The following ZNF420 variants were observed in gnomAD, a reference collection of about 807,000 sequenced individuals.
ZNF420 encodes the protein ATM and p53-associated KZNF protein.
A neutral mutation model predicts 44.7 loss-of-function variants in ZNF420; 31 were observed. That is an observed-to-expected ratio of 0.69 (90% CI 0.52 to 0.94). The LOEUF (loss-of-function observed/expected upper bound fraction) is 0.94. ZNF420 is among the 40% of genes least tolerant of loss of function. The pLI is 0.00. For synonymous variants in ZNF420, 245 were observed against 267.4 expected (o/e 0.92, Z 0.82); for missense variants, 681 against 827.9 (o/e 0.82, Z 2.18).
chr19:37,023,750 G>A lies in ZNF420; in HGVS notation c.-125+15668G>A, dbSNP rs562867025. Reference sequence around the variant, plus strand: ...ACATTTGGGTTCAGAGCTAAAAAATGACACATTACTGACATTTTGAAAAGT... The same window carrying A: ...ACATTTGGGTTCAGAGCTAAAAAATAACACATTACTGACATTTTGAAAAGT... On this transcript the variant is annotated intron_variant, in intron 1 of 4. Transcript: ENST00000587029. Among the ~76,000 whole-genome samples the A allele has an allele frequency of 2.0e-5, 3 of 152,242 alleles. No individual in the cohort carries two copies. The East Asian group carries it at 5.8e-4, about 29-fold the overall frequency.
chr19:37,065,976 C>G (rs1180841053), intron 1 of ZNF420, among the ~76,000 whole-genome samples: 1 of 152,116 alleles, frequency 6.6e-6, no homozygotes, highest in African/African-American at 2.4e-5. Flanking sequence ...ATATAAAAAG[C>G]TACAACTCTA....
intron 1 of ZNF420, among the ~76,000 whole-genome samples, chr19:37,044,785 C>T (rs1967515301): frequency 6.6e-6 from 1 of 152,084 alleles, no homozygotes; most frequent in Non-Finnish European, 1.5e-5. Flanking sequence ...GCCGAGATCG[C>T]ACCATTGCAC....
intron 1 of ZNF420, among the ~76,000 whole-genome samples, chr19:37,055,648 A>T (rs1967731671): frequency 6.6e-6 from 1 of 152,222 alleles, no homozygotes; most frequent in South Asian, 2.1e-4. Flanking sequence ...CTCCTGTCAC[A>T]GTGACCCCAA....
intron 4 of ZNF420, among the ~76,000 whole-genome samples, chr19:37,119,801 A>C (rs913081893): frequency 6.6e-6 from 1 of 152,190 alleles, no homozygotes; most frequent in Non-Finnish European, 1.5e-5. Context: ...TATCACCACC[A>C]ATCCCACAGA....
In ZNF420 at chr19:37,127,855, T is replaced by C. The variant is rs372802921; in HGVS notation, c.864T>C (p.Phe288=). The C allele has an allele frequency of 6.8e-6, 11 of 1,613,894 alleles. No homozygotes were observed. The highest frequency in any genetic ancestry group is 5.1e-6 in the Non-Finnish European group (6 of 1,179,962). ...LYECKECRKV[F]TQLSQLILHK... is the part of the protein sequence containing the mutation. ...AATGTAAAGAATGTAGGAAGGTCTT[T>C]ACTCAGCTCTCACAACTTATTCTGC... The change falls in exon 5 of 5, where the codon TTT becomes TTC. Residue 288 remains phenylalanine, a synonymous_variant. Transcript: ENST00000337995.
intron 1 of ZNF420, among the ~76,000 whole-genome samples, chr19:37,053,626 T>G: frequency 6.6e-6 from 1 of 152,222 alleles, no homozygotes; most frequent in East Asian, 1.9e-4. Flanking sequence ...GGAGGTCCAC[T>G]CCAGACCCTG....
At chr19:37,064,093 T>C (rs1043077458) in intron 1 of ZNF420, among the ~76,000 whole-genome samples, 1 of 152,222 alleles carries the variant, frequency 6.6e-6, no homozygotes, top group Non-Finnish European at 1.5e-5. Flanking sequence ...CATGCTCCTA[T>C]CAGGGGCACA....
intron 1 of ZNF420, among the ~76,000 whole-genome samples, chr19:37,049,155 T>C (rs181125475): frequency 4.6e-5 from 7 of 152,280 alleles, no homozygotes; most frequent in African/African-American, 1.7e-4. Context: ...TTTGCTATTG[T>C]GAATAGTGCT....
At chr19:37,020,787 TATAAA>T (rs2074642698) in intron 1 of ZNF420, among the ~76,000 whole-genome samples, 2 of 152,218 alleles carry the variant, frequency 1.3e-5, no homozygotes, top group East Asian at 3.9e-4. Flanking sequence ...ATAAGCCTGT[TATAAA>T]ATAAACACTG....
chr19:37,115,403 G>C (rs1754175201), intron 4 of ZNF420, among the ~76,000 whole-genome samples: 1 of 152,138 alleles, frequency 6.6e-6, no homozygotes, highest in African/African-American at 2.4e-5. Flanking sequence ...CCATCTTGGA[G>C]AGGGGGATGT....
At chr19:37,073,911 A>C (rs1968105176), upstream of ZNF420, among the ~76,000 whole-genome samples, 2 of 152,126 alleles carry the variant, frequency 1.3e-5, no homozygotes, top group Non-Finnish European at 2.9e-5. Flanking sequence ...AACACAGAGG[A>C]TGATAACAGG....
At chr19:37,114,771 TCTC>T (rs1728788787) in intron 4 of ZNF420, among the ~76,000 whole-genome samples, 1 of 152,170 alleles carries the variant, frequency 6.6e-6, no homozygotes, top group Non-Finnish European at 1.5e-5. Context: ...AATGCTATCT[TCTC>T]CTGTTTGAAA....
At chr19:37,049,077 T>C (rs1967593764) in intron 1 of ZNF420, among the ~76,000 whole-genome samples, 1 of 152,132 alleles carries the variant, frequency 6.6e-6, no homozygotes, top group Non-Finnish European at 1.5e-5. Context: ...TAGTATTCCA[T>C]GGTGTATATG....
rs1460619886 is a variant in ZNF420 at position 37,128,720 on chromosome 19, C to T, written c.1729C>T (p.His577Tyr). The part of the protein sequence containing the change: ...AFIRGSQLTQ[H>Y]QRIHTGEKPY... ...TATTCGTGGTTCACAGTTGACTCAA[C>T]ATCAGCGAATTCACACTGGAGAAAA... The change falls in exon 5 of 5, where the codon CAT becomes TAT. Residue 577 changes from histidine to tyrosine, a missense_variant. Coordinates refer to ENST00000337995, the MANE Select transcript of ZNF420 (RefSeq NM_144689.5). The T allele has an allele frequency of 1.2e-6, 2 of 1,613,934 alleles. No homozygotes were observed. The highest frequency in any genetic ancestry group is 3.3e-5 in the Admixed American group (2 of 59,990).
At chr19:37,109,611 T>G (rs1970276313) in intron 4 of ZNF420, 2 of 152,250 alleles carry the variant, frequency 1.3e-5, no homozygotes, top group South Asian at 4.1e-4. Flanking sequence ...TCTGTCTCCG[T>G]GGAGGTGCTT....
chr19:37,092,351 C>T (rs1229511873), intron 4 of ZNF420: 2 of 152,034 alleles, frequency 1.3e-5, no homozygotes, highest in African/African-American at 4.8e-5. Flanking sequence ...TCATTCTTCC[C>T]ACTTTCAAAA....
intron 4 of ZNF420, chr19:37,091,500 A>G (rs982496034): frequency 6.3e-6 from 1 of 157,878 alleles, no homozygotes; most frequent in Non-Finnish European, 1.4e-5. Context: ...GTTTTTTCTG[A>G]TAAAAGAGTT....
At chr19:37,118,371 G>A (rs1256625029) in intron 4 of ZNF420, among the ~76,000 whole-genome samples, 2 of 152,272 alleles carry the variant, frequency 1.3e-5, no homozygotes, top group African/African-American at 2.4e-5. Context: ...GCCAAACTAA[G>A]CTTCATAAGT....
At chr19:37,012,227 C>T (rs370285005) in intron 1 of ZNF420, among the ~76,000 whole-genome samples, 1 of 152,166 alleles carries the variant, frequency 6.6e-6, no homozygotes, top group Non-Finnish European at 1.5e-5. Context: ...GCCCGCTCCT[C>T]GACCTTGGAT....
Sources: gnomAD v4.1 joint callset for allele counts (sites outside exome capture counted in the v4.1 genomes callset) on GRCh38, gnomAD v4.1.1 for gene constraint, MANE v1.5 for transcripts, NCBI Gene and HGNC (gene_info 2026-07-23, HGNC 2026-07-21) for gene names.